Variants in GMDS observed in about 807,000 individuals in gnomAD.
GMDS encodes GDP-mannose 4,6-dehydratase.
In GMDS, 20 loss-of-function variants were observed where a neutral mutation model predicts 49.9. The observed-to-expected ratio is 0.40, with a 90% CI of 0.28 to 0.58. The LOEUF (loss-of-function observed/expected upper bound fraction) is 0.58. Among genes scored for constraint, GMDS ranks in the 20% least tolerant of loss-of-function variants. The probability of loss-of-function intolerance (pLI) is 0.42; values close to 1 mark genes in which losing one functional copy is unlikely to be tolerated. For missense variants in GMDS, 362 were observed against 481.4 expected (o/e 0.75, Z 2.32); for synonymous variants, 177 against 178.6 (o/e 0.99, Z 0.07).
At chr6:2,037,300 C>A (rs1304246993) in intron 4 of GMDS, among the ~76,000 whole-genome samples, 1 of 152,036 alleles carries the variant, frequency 6.6e-6, no homozygotes, top group Admixed American at 6.6e-5. Flanking sequence ...AGATTAAGTT[C>A]TCACACTGTA....
At chr6:1,959,564 T>C (rs1252050026) in intron 6 of GMDS, 11 of 196,018 alleles carry the variant, frequency 5.6e-5, no homozygotes, top group African/African-American at 1.9e-4. Flanking sequence ...TCCTTTGCAT[T>C]CATATAGTAG....
rs577549289 is a variant in GMDS, at chr6:1,650,840, A to G, written c.988-26300T>C. 8.5e-5 allele frequency among the ~76,000 whole-genome samples: 13 copies of G among 152,220 alleles called. No homozygotes were observed. The South Asian group carries it at 2.7e-3, about 32-fold the overall frequency. ...AGTGATCCACCTGCCTTGGCCTCCC[A>G]AACTGTTGGGATTAGAGCCGTGAAC... On this transcript the variant is annotated intron_variant, in intron 9 of 10. Transcript: ENST00000380815.
chr6:2,066,853 A>G (rs1771631990), intron 4 of GMDS, among the ~76,000 whole-genome samples: 1 of 151,894 alleles, frequency 6.6e-6, no homozygotes, highest in South Asian at 2.1e-4. Context: ...TAGACAGATC[A>G]ACGAGACAGA....
chr6:1,923,204 C>T (rs1357470056), intron 7 of GMDS, among the ~76,000 whole-genome samples: 2 of 152,182 alleles, frequency 1.3e-5, no homozygotes, highest in African/African-American at 4.8e-5. Flanking sequence ...CGGACTAATA[C>T]ATCCACCTTC....
At chr6:2,005,655 C>A (rs1200209894) in intron 4 of GMDS, among the ~76,000 whole-genome samples, 1 of 152,154 alleles carries the variant, frequency 6.6e-6, no homozygotes, top group Non-Finnish European at 1.5e-5. Context: ...ACCCATTTGT[C>A]TTCTCCACTT....
At chr6:1,954,970 C>T (rs1029538728) in intron 6 of GMDS, among the ~76,000 whole-genome samples, 1 of 151,916 alleles carries the variant, frequency 6.6e-6, no homozygotes, top group South Asian at 2.1e-4. Flanking sequence ...ATCACAACAG[C>T]AAAACCAAAG....
chr6:1,878,506 A>T (rs1759208902), intron 7 of GMDS, among the ~76,000 whole-genome samples: 1 of 152,056 alleles, frequency 6.6e-6, no homozygotes, highest in Admixed American at 6.6e-5. Flanking sequence ...ACAGACACAG[A>T]CATGTGACAT....
At position 2,047,375 on chromosome 6, in the gene GMDS, G is replaced by A. The variant is rs116104580; in HGVS notation, c.345+68396C>T. Among the ~76,000 whole-genome samples, 688 of 152,296 alleles carry A rather than the reference G, an allele frequency of 4.5e-3. 3 individuals are homozygous for A. The highest frequency in any genetic ancestry group is 0.016 in the African/African-American group (672 of 41,558). ...CAGTGGAAAAGAAAGTGTGACTACT[G>A]GGGTCACTGAGGAGTCTGTGGCTGT... On this transcript the variant is annotated intron_variant, in intron 4 of 10. Coordinates refer to ENST00000380815, the MANE Select transcript of GMDS (RefSeq NM_001500.4).
At chr6:2,023,461 C>CA (rs1195585162) in intron 4 of GMDS, among the ~76,000 whole-genome samples, 1 of 152,234 alleles carries the variant, frequency 6.6e-6, no homozygotes, top group Non-Finnish European at 1.5e-5. Flanking sequence ...TTGGCACAAG[C>CA]AAAGGTGAGA....
At chr6:1,889,398 G>C (rs746748814) in intron 7 of GMDS, among the ~76,000 whole-genome samples, 18 of 151,840 alleles carry the variant, frequency 1.2e-4, no homozygotes, top group Non-Finnish European at 1.9e-4. Context: ...CCTTCTTCTT[G>C]GTCCTTAAAA....
At chr6:1,954,400 T>C (rs1763522409) in intron 6 of GMDS, among the ~76,000 whole-genome samples, 1 of 152,210 alleles carries the variant, frequency 6.6e-6, no homozygotes, top group Admixed American at 6.5e-5. Flanking sequence ...AAGACAACAA[T>C]GAAGTCTGCT....
At chr6:2,209,391 C>A (rs1266196228) in intron 1 of GMDS, among the ~76,000 whole-genome samples, 2 of 152,222 alleles carry the variant, frequency 1.3e-5, no homozygotes, top group Admixed American at 6.5e-5. Context: ...ATGGCAAATG[C>A]CAGAACTGGC....
chr6:1,884,614 G>A (rs546293209), intron 7 of GMDS, among the ~76,000 whole-genome samples: 1 of 152,356 alleles, frequency 6.6e-6, no homozygotes, highest in East Asian at 1.9e-4. Context: ...AACTGAAGCA[G>A]TGGAATGCAA....
At chr6:2,104,320 G>A (rs1462069484) in intron 4 of GMDS, among the ~76,000 whole-genome samples, 2 of 152,120 alleles carry the variant, frequency 1.3e-5, no homozygotes, top group South Asian at 2.1e-4. Context: ...AGCCTTCTTC[G>A]TTCTCCTATA....
chr6:2,028,982 A>AT (rs1163863580), intron 4 of GMDS, among the ~76,000 whole-genome samples: 4 of 149,504 alleles, frequency 2.7e-5, no homozygotes, highest in Non-Finnish European at 4.5e-5. Flanking sequence ...CTGCTGGGTG[A>AT]TTTTTTTTCT....
intron 4 of GMDS, among the ~76,000 whole-genome samples, chr6:2,060,240 C>G (rs1389441476): frequency 6.6e-6 from 1 of 152,198 alleles, no homozygotes; most frequent in African/African-American, 2.4e-5. Flanking sequence ...CCCCTCTGCT[C>G]CACACTGCTC....
At chr6:1,873,005 C>T (rs998633298) in intron 7 of GMDS, among the ~76,000 whole-genome samples, 4 of 152,196 alleles carry the variant, frequency 2.6e-5, no homozygotes, top group South Asian at 2.1e-4. Context: ...TTCTGGGAAC[C>T]GCTGAAATCC....
At chr6:1,734,563 C>A (rs528098763) in intron 8 of GMDS, among the ~76,000 whole-genome samples, 1 of 152,362 alleles carries the variant, frequency 6.6e-6, no homozygotes, top group African/African-American at 2.4e-5. Flanking sequence ...GCCCAGACAA[C>A]ACCTGTTTCA....
chr6:2,054,407 A>G (rs1170945769), intron 4 of GMDS, among the ~76,000 whole-genome samples: 1 of 152,166 alleles, frequency 6.6e-6, no homozygotes, highest in Non-Finnish European at 1.5e-5. Flanking sequence ...CTTGCAATAA[A>G]GATAAAGGAA....
Sources: allele counts gnomAD v4.1 joint callset (sites outside exome capture counted in the v4.1 genomes callset), GRCh38; gene constraint gnomAD v4.1.1; transcripts MANE v1.5; gene names NCBI Gene and HGNC (gene_info 2026-07-23, HGNC 2026-07-21).